Variants in TMEM44 observed in about 807,000 individuals in gnomAD.
The protein encoded by TMEM44 is transmembrane protein 44.
TMEM44 carries 43 observed loss-of-function variants against 47.8 expected under a neutral mutation model. The observed-to-expected ratio is 0.90, with a 90% CI of 0.70 to 1.16. TMEM44 has a LOEUF of 1.16. TMEM44 is among the 50% of genes most tolerant of loss of function. The pLI is 0.00. For missense variants in TMEM44, 568 were observed against 555.2 expected, an observed-to-expected ratio of 1.02 and a Z score of -0.23; for synonymous variants, 277 against 238.8, an observed-to-expected ratio of 1.16 and a Z score of -1.48.
chr3:194,603,704 A>G (rs1714422045), intron 9 of TMEM44, among the ~76,000 whole-genome samples: 1 of 152,150 alleles, frequency 6.6e-6, no homozygotes, highest in South Asian at 2.1e-4. Flanking sequence ...AGCCAACACC[A>G]AGACTTTAAA....
At chr3:194,595,973 C>T (rs1371595115) in intron 9 of TMEM44, among the ~76,000 whole-genome samples, 2 of 152,074 alleles carry the variant, frequency 1.3e-5, no homozygotes, top group African/African-American at 4.8e-5. Flanking sequence ...TCCTCAGGAT[C>T]ATGAAAGGCT....
intron 9 of TMEM44, 58 bp downstream of exon 9, chr3:194,604,229 G>A: frequency 6.5e-7 from 1 of 1,547,626 alleles, no homozygotes; most frequent in Non-Finnish European, 8.7e-7. Flanking sequence ...GGAGCACCCA[G>A]CAAGTGTCGG....
intron 5 of TMEM44, among the ~76,000 whole-genome samples, chr3:194,620,769 TGAGGCCAAACACTCTGG>T (rs1270656451): frequency 6.6e-6 from 1 of 152,026 alleles, no homozygotes; most frequent in African/African-American, 2.4e-5. Flanking sequence ...CTCAAACCTG[TGAGGCCAAACACTCTGG>T]GAGGCCAAGG....
chr3:194,607,426 A>G (rs1714894117), intron 8 of TMEM44, among the ~76,000 whole-genome samples: 2 of 152,186 alleles, frequency 1.3e-5, no homozygotes, highest in African/African-American at 4.8e-5. Flanking sequence ...CATTTTTATT[A>G]ACACTTACAT....
At chr3:194,621,980 G>A (rs1716591043) in intron 5 of TMEM44, among the ~76,000 whole-genome samples, 1 of 152,176 alleles carries the variant, frequency 6.6e-6, no homozygotes, top group African/African-American at 2.4e-5. Flanking sequence ...CCAAAGTGCT[G>A]GCATTACAGG....
chr3:194,615,119 G>A (rs1715737295), intron 7 of TMEM44, among the ~76,000 whole-genome samples: 1 of 152,188 alleles, frequency 6.6e-6, no homozygotes, highest in African/African-American at 2.4e-5. Flanking sequence ...ACATGTGCCT[G>A]TAATCCCAGC....
At chr3:194,629,967 C>T (rs1298402034) in intron 1 of TMEM44, among the ~76,000 whole-genome samples, 1 of 58,346 alleles carries the variant, frequency 1.7e-5, no homozygotes, top group Non-Finnish European at 3.3e-5. Flanking sequence ...TTTCCATCGG[C>T]GTCACTGATA....
chr3:194,626,928 ATT>A (rs34763580), intron 2 of TMEM44, among the ~76,000 whole-genome samples: 1 of 139,464 alleles, frequency 7.2e-6, no homozygotes, highest in Non-Finnish European at 1.5e-5. Flanking sequence ...GACCTACTGT[ATT>A]TTTTTTTTTT....
At chr3:194,617,711 T>A (rs1482833820) in intron 5 of TMEM44, 1 of 703,980 alleles carries the variant, frequency 1.4e-6, no homozygotes, top group South Asian at 1.5e-5. Context: ...GAGACTGGGA[T>A]GGTTTGGACA....
At chr3:194,627,949 A>G (rs1462450541) in intron 2 of TMEM44, among the ~76,000 whole-genome samples, 1 of 152,168 alleles carries the variant, frequency 6.6e-6, no homozygotes, top group Non-Finnish European at 1.5e-5. Flanking sequence ...ATTGCATTCC[A>G]GCCTGGGCGA....
intron 7 of TMEM44, among the ~76,000 whole-genome samples, chr3:194,615,349 C>T (rs1266073734): frequency 1.3e-5 from 2 of 152,192 alleles, no homozygotes; most frequent in Non-Finnish European, 2.9e-5. Context: ...CTCAATGCCC[C>T]GTCCACTCCA....
Position 194,588,621 on chromosome 3 carries a change from TCACATCTTCAGGGTCC to T in TMEM44, c.1179_1194del (p.Trp393Ter), listed in dbSNP as rs1712159064. ...ACATTTTCTTTGCTGCCTTCGAGGT[TCACATCTTCAGGGTCC>T]CACTATGGAGAAAAGATGCAAAGGG... On this transcript the variant is annotated frameshift_variant and splice_region_variant, in exon 10 of 10. Transcript: ENST00000347147. LOFTEE classifies it low-confidence loss of function (END_TRUNC). 6.2e-7 allele frequency: 1 copy of T among 1,614,164 alleles called. No individual in the cohort carries two copies. Among genetic ancestry groups the T allele is most frequent in the East Asian group, 2.2e-5 (1 of 44,888 alleles).
At chr3:194,596,898 A>G (rs897294383) in intron 9 of TMEM44, 1 of 152,214 alleles carries the variant, frequency 6.6e-6, no homozygotes, top group African/African-American at 2.4e-5. Context: ...GCAGACATCC[A>G]GGGGAATATG....
intron 5 of TMEM44, among the ~76,000 whole-genome samples, chr3:194,622,076 A>G (rs1384650001): frequency 6.6e-6 from 1 of 152,246 alleles, no homozygotes; most frequent in African/African-American, 2.4e-5. Context: ...CTGTTCTGTC[A>G]GTGAGACAGG....
At position 194,629,681 on chromosome 3, in the gene TMEM44, G is replaced by A. The variant is rs553089668; in HGVS notation, c.138-1172C>T. 2.9e-3 allele frequency among the ~76,000 whole-genome samples: 427 copies of A among 149,342 alleles called. 3 individuals are homozygous for A. Among genetic ancestry groups the A allele is most frequent in the African/African-American group, 0.01 (405 of 39,712 alleles). On this transcript the variant is annotated intron_variant, in intron 1 of 9. Coordinates refer to ENST00000347147, the MANE Select transcript of TMEM44 (RefSeq NM_001011655.3). Reference sequence around the variant, plus strand: ...GAAGGGGCTGGCTGTTTCCATCGGCGTCACTGACAGGGCCCCTGAAATAAT... The same window carrying A: ...GAAGGGGCTGGCTGTTTCCATCGGCATCACTGACAGGGCCCCTGAAATAAT...
intron 9 of TMEM44, among the ~76,000 whole-genome samples, chr3:194,600,761 AAAG>A (rs553701063): frequency 4.7e-5 from 7 of 150,436 alleles, no homozygotes; most frequent in South Asian, 2.1e-4. Flanking sequence ...AAAAGAAAAA[AAAG>A]AAGAAGAAGA....
At chr3:194,617,911 C>T in intron 5 of TMEM44, 2 of 593,962 alleles carry the variant, frequency 3.4e-6, no homozygotes, top group Admixed American at 2.8e-5. Flanking sequence ...TGGCACCTTC[C>T]CTTCCACCCT....
intron 4 of TMEM44, 102 bp downstream of exon 4, chr3:194,623,427 G>T: frequency 2.0e-6 from 3 of 1,507,768 alleles, no homozygotes; most frequent in Non-Finnish European, 2.7e-6. Flanking sequence ...TTCCAACAAA[G>T]GAAGGCTTAA....
rs113794360 is a variant in TMEM44, at chr3:194,598,074, C to T, written c.1176+6213G>A. Among the ~76,000 whole-genome samples the T allele has an allele frequency of 3.3e-3, 502 of 152,302 alleles. 5 individuals are homozygous for T. Among genetic ancestry groups the T allele is most frequent in the African/African-American group, 0.011 (457 of 41,552 alleles). On this transcript the variant is annotated intron_variant, in intron 9 of 9. Transcript: ENST00000347147. ...AATGAATGGATGGATCCACAGTCTC[C>T]GTGGAGTATGCCGTCTGCTATGGAG...
Sources: gnomAD v4.1 joint callset for allele counts (sites outside exome capture counted in the v4.1 genomes callset) on GRCh38, gnomAD v4.1.1 for gene constraint, MANE v1.5 for transcripts, NCBI Gene and HGNC (gene_info 2026-07-23, HGNC 2026-07-21) for gene names.